TACR1: variants seen among roughly 807,000 people sequenced by gnomAD.
The protein encoded by TACR1 is substance-P receptor.
TACR1 carries 25 observed loss-of-function variants against 35.8 expected under a neutral mutation model. The ratio of observed to expected loss-of-function variants is 0.70; its 90% CI spans 0.51 to 0.98. The LOEUF (loss-of-function observed/expected upper bound fraction) is 0.98. TACR1 is among the 50% of genes least tolerant of loss of function. The pLI is 0.00. For missense variants in TACR1, 478 were observed against 522.9 expected (o/e 0.91, Z 0.84); for synonymous variants, 195 against 206.7 (o/e 0.94, Z 0.48).
At chr2:75,183,742 G>T (rs1009563734) in intron 1 of TACR1, among the ~76,000 whole-genome samples, 2 of 152,192 alleles carry the variant, frequency 1.3e-5, no homozygotes, top group Non-Finnish European at 2.9e-5. Context: ...TTCTGGTAGA[G>T]CCCTTAAGCT....
chr2:75,062,368 C>G (rs1232358107), intron 2 of TACR1, among the ~76,000 whole-genome samples: 1 of 152,146 alleles, frequency 6.6e-6, no homozygotes, highest in African/African-American at 2.4e-5. Flanking sequence ...CTTCCTCTAT[C>G]TTCCTGATAT....
chr2:75,157,213 CTG>C (rs1674883623), intron 1 of TACR1, among the ~76,000 whole-genome samples: 1 of 152,094 alleles, frequency 6.6e-6, no homozygotes, highest in African/African-American at 2.4e-5. Context: ...AAACTGGTAA[CTG>C]AGACTTGGAG....
At chr2:75,091,202 A>G (rs13015769) in intron 2 of TACR1, among the ~76,000 whole-genome samples, 1 of 63,196 alleles carries the variant, frequency 1.6e-5, no homozygotes, top group Non-Finnish European at 2.8e-5. Context: ...TCGTAGGTGC[A>G]AAAAAAAAAA....
At chr2:75,165,567 C>T (rs945259175) in intron 1 of TACR1, among the ~76,000 whole-genome samples, 1 of 151,842 alleles carries the variant, frequency 6.6e-6, no homozygotes, top group Non-Finnish European at 1.5e-5. Context: ...CTCAGCCTCC[C>T]AAAGTGCTGG....
intron 2 of TACR1, among the ~76,000 whole-genome samples, chr2:75,086,196 C>A (rs900300619): frequency 6.6e-6 from 1 of 152,166 alleles, no homozygotes; most frequent in Non-Finnish European, 1.5e-5. Flanking sequence ...CTTCTCACAG[C>A]AGAGGAACTG....
chr2:75,123,453 G>T, intron 1 of TACR1, among the ~76,000 whole-genome samples: 1 of 152,088 alleles, frequency 6.6e-6, no homozygotes, highest in East Asian at 1.9e-4. Flanking sequence ...TTGCACCAGC[G>T]TATTGGCACT....
intron 2 of TACR1, among the ~76,000 whole-genome samples, chr2:75,120,034 G>A (rs1673935554): frequency 6.6e-6 from 1 of 152,090 alleles, no homozygotes; most frequent in Admixed American, 6.5e-5. Context: ...TGAGAGATGG[G>A]TGTTCAGATG....
intron 1 of TACR1, among the ~76,000 whole-genome samples, chr2:75,122,537 T>A (rs1673988965): frequency 6.6e-6 from 1 of 152,142 alleles, no homozygotes; most frequent in Admixed American, 6.5e-5. Flanking sequence ...TCATGACAAC[T>A]CCCAGGAAGG....
intron 1 of TACR1, among the ~76,000 whole-genome samples, chr2:75,194,426 C>A (rs973333401): frequency 1.3e-5 from 2 of 152,140 alleles, no homozygotes; most frequent in Non-Finnish European, 2.9e-5. Flanking sequence ...GAATTTAATT[C>A]CCCCTCCAGG....
At chr2:75,070,599 T>C (rs1672859087) in intron 2 of TACR1, among the ~76,000 whole-genome samples, 1 of 152,250 alleles carries the variant, frequency 6.6e-6, no homozygotes, top group African/African-American at 2.4e-5. Flanking sequence ...CTCAAGTTTC[T>C]TCTAGCCACG....
intron 2 of TACR1, among the ~76,000 whole-genome samples, chr2:75,105,754 T>A (rs1184847353): frequency 6.6e-6 from 1 of 152,046 alleles, no homozygotes; most frequent in Non-Finnish European, 1.5e-5. Flanking sequence ...ACTCTACCTC[T>A]GTTTTTTTCC....
intron 1 of TACR1, among the ~76,000 whole-genome samples, chr2:75,153,805 A>C (rs1218326210): frequency 6.6e-6 from 1 of 152,208 alleles, no homozygotes; most frequent in Non-Finnish European, 1.5e-5. Context: ...TCCTGTGTGC[A>C]AGGATTTAAT....
chr2:75,096,132 G>GT (rs1253485247), intron 2 of TACR1, among the ~76,000 whole-genome samples: 1 of 152,186 alleles, frequency 6.6e-6, no homozygotes, highest in Non-Finnish European at 1.5e-5. Context: ...AGATTCTGCA[G>GT]TGCTCTTTTG....
In TACR1 at chr2:75,182,123, G is replaced by A. The variant is rs115928432; in HGVS notation, c.389+16423C>T. Among the ~76,000 whole-genome samples, 631 of 152,316 alleles carry A rather than the reference G, an allele frequency of 4.1e-3. 3 individuals are homozygous for A. The highest frequency in any genetic ancestry group is 7.1e-3 in the Non-Finnish European group (482 of 68,020). On this transcript the variant is annotated intron_variant, in intron 1 of 4. Transcript: ENST00000305249. ...CTTGTTCTCATAGATGAAACCTGGT[G>A]TTCTTCTCCAGGCCTCTCGCCTGTG...
rs1417576003 is a variant in TACR1 at position 75,193,761 on chromosome 2, G to A, written c.389+4785C>T. On this transcript the variant is annotated intron_variant, in intron 1 of 4. Coordinates refer to ENST00000305249, the MANE Select transcript of TACR1 (RefSeq NM_001058.4). ...ATCATTCATCACTGCTGGGCAGGAT[G>A]TCCCTCCTCTTGTCTCCTATGGAAT... Among the ~76,000 whole-genome samples the A allele has an allele frequency of 3.3e-5, 5 of 152,110 alleles. No homozygotes were observed. The East Asian group carries it at 9.6e-4, about 29-fold the overall frequency.
chr2:75,107,043 A>G (rs1673664809), intron 2 of TACR1, among the ~76,000 whole-genome samples: 1 of 151,904 alleles, frequency 6.6e-6, no homozygotes, highest in Non-Finnish European at 1.5e-5. Context: ...GGAAAACTAA[A>G]TATATGGAAA....
chr2:75,182,398 A>T (rs1048832727), intron 1 of TACR1, among the ~76,000 whole-genome samples: 7 of 151,688 alleles, frequency 4.6e-5, no homozygotes, highest in African/African-American at 1.7e-4. Context: ...ATCTGCCACA[A>T]TACCCACCCC....
At chr2:75,131,538 A>G (rs1674178711) in intron 1 of TACR1, among the ~76,000 whole-genome samples, 1 of 152,236 alleles carries the variant, frequency 6.6e-6, no homozygotes, top group Non-Finnish European at 1.5e-5. Flanking sequence ...TGAATACATT[A>G]TGATAAAAAT....
chr2:75,151,522 T>C (rs893971655), intron 1 of TACR1, among the ~76,000 whole-genome samples: 1 of 152,154 alleles, frequency 6.6e-6, no homozygotes, highest in Non-Finnish European at 1.5e-5. Flanking sequence ...AAGTCAAGAA[T>C]TGAGATTTGG....
Sources: allele counts gnomAD v4.1 joint callset (sites outside exome capture counted in the v4.1 genomes callset), GRCh38; gene constraint gnomAD v4.1.1; transcripts MANE v1.5; gene names NCBI Gene and HGNC (gene_info 2026-07-23, HGNC 2026-07-21).